The following RIMS1 variants were observed in gnomAD, a reference collection of about 807,000 sequenced individuals.
The protein encoded by RIMS1 is regulating synaptic membrane exocytosis protein 1.
RIMS1 carries 83 observed loss-of-function variants against 214.1 expected under a neutral mutation model. The observed-to-expected ratio is 0.39, with a 90% CI of 0.32 to 0.47. RIMS1 has a LOEUF of 0.47. Among genes scored for constraint, RIMS1 ranks in the 20% least tolerant of loss-of-function variants. The pLI is 0.99. For missense variants in RIMS1, 2,050 were observed against 2,161.8 expected (o/e 0.95, Z 1.03); for synonymous variants, 793 against 786.8 (o/e 1.01, Z -0.13).
intron 4 of RIMS1, among the ~76,000 whole-genome samples, chr6:72,167,501 A>G (rs1292424790): frequency 6.6e-6 from 1 of 152,140 alleles, no homozygotes; most frequent in Non-Finnish European, 1.5e-5. Flanking sequence ...GTAAACTTCA[A>G]GTAAGATTGA....
At chr6:71,935,682 G>A (rs1422398924) in intron 1 of RIMS1, among the ~76,000 whole-genome samples, 1 of 152,088 alleles carries the variant, frequency 6.6e-6, no homozygotes, top group Non-Finnish European at 1.5e-5. Context: ...ATCCTGATAT[G>A]CTCTTAAAAA....
chr6:72,346,780 CAAT>C (rs1172049720), intron 29 of RIMS1, among the ~76,000 whole-genome samples: 2 of 151,724 alleles, frequency 1.3e-5, no homozygotes, highest in African/African-American at 4.8e-5. Flanking sequence ...ATTTTTATGT[CAAT>C]AAACATAGTT....
chr6:72,393,426 A>T (rs543851332), intron 31 of RIMS1, among the ~76,000 whole-genome samples: 56 of 152,314 alleles, frequency 3.7e-4, no homozygotes, highest in African/African-American at 1.3e-3. Flanking sequence ...CAAAAAAACT[A>T]TCAAAAATCA....
chr6:71,944,915 T>A (rs1787323390), intron 1 of RIMS1, among the ~76,000 whole-genome samples: 1 of 152,168 alleles, frequency 6.6e-6, no homozygotes, highest in African/African-American at 2.4e-5. Context: ...TTAAAGGTAG[T>A]AACAGGGGTC....
chr6:71,980,094 A>G (rs1360098279), intron 2 of RIMS1, among the ~76,000 whole-genome samples: 2 of 152,076 alleles, frequency 1.3e-5, no homozygotes, highest in Non-Finnish European at 2.9e-5. Context: ...CTACAGAGTC[A>G]TTTGTCCAGG....
chr6:71,921,047 G>A (rs929775417), intron 1 of RIMS1, among the ~76,000 whole-genome samples: 7 of 152,174 alleles, frequency 4.6e-5, no homozygotes, highest in African/African-American at 1.4e-4. Context: ...GTGCAGCGGA[G>A]GCAGACATGC....
At position 72,015,794 on chromosome 6, in the gene RIMS1, C is replaced by T. The variant is rs148865957; in HGVS notation, c.245+46731C>T. The stretch of plus-strand genomic sequence containing the variant: ...ACAAAAAATTAGCCGGGCATGATGG[C>T]GGGTGCCTGTAGTCCCAGCTACTTG... On this transcript the variant is annotated intron_variant, in intron 2 of 33. Coordinates refer to ENST00000521978, the MANE Select transcript of RIMS1 (RefSeq NM_014989.7). 1.5e-3 allele frequency among the ~76,000 whole-genome samples: 223 copies of T among 152,100 alleles called. 1 individual carries two copies. In the East Asian group the frequency reaches 0.017, roughly 11 times the overall value.
chr6:72,390,445 C>T (rs1314731495), intron 29 of RIMS1, among the ~76,000 whole-genome samples, 153 bp from the exon 30 acceptor site: 1 of 152,096 alleles, frequency 6.6e-6, no homozygotes, highest in Non-Finnish European at 1.5e-5. Flanking sequence ...GGCAAGGAGC[C>T]TGAATCAAGC....
chr6:72,147,619 AT>A (rs1203236535), intron 4 of RIMS1, among the ~76,000 whole-genome samples: 7 of 152,186 alleles, frequency 4.6e-5, no homozygotes, highest in Non-Finnish European at 8.8e-5. Context: ...AAATAATTCC[AT>A]TGACTGAGAA....
intron 2 of RIMS1, among the ~76,000 whole-genome samples, chr6:72,032,564 C>T (rs1463079508): frequency 6.6e-6 from 1 of 152,056 alleles, no homozygotes; most frequent in Non-Finnish European, 1.5e-5. Context: ...CTGTATAAAT[C>T]CTCTGTAAAT....
At chr6:72,234,586 G>A (rs973690752) in intron 7 of RIMS1, among the ~76,000 whole-genome samples, 1 of 152,068 alleles carries the variant, frequency 6.6e-6, no homozygotes, top group East Asian at 1.9e-4. Flanking sequence ...AAAGTCCATA[G>A]TGTACATTAG....
intron 2 of RIMS1, among the ~76,000 whole-genome samples, chr6:71,973,263 A>G (rs921775056): frequency 7.9e-5 from 12 of 152,182 alleles, no homozygotes; most frequent in African/African-American, 2.7e-4. Flanking sequence ...TTTAGGTACC[A>G]TCTTCCAGAA....
In RIMS1 at chr6:72,097,081, TG is replaced by T. The variant is rs758043585; in HGVS notation, c.381del (p.Cys128AlafsTer45). On this transcript the variant is annotated frameshift_variant, in exon 3 of 34. Coordinates refer to ENST00000521978, the MANE Select transcript of RIMS1 (RefSeq NM_014989.7). LOFTEE classifies it high-confidence loss of function. ...TCTGTCATAAAACAAAGTTTGCTGA[TG>T]GGTGCGGTCATCTCTGCTCCTATTG... ...GICHKTKFAD[G>X]CGHLCSYCRT... 6.2e-7 allele frequency: 1 copy of T among 1,613,994 alleles called. No individual in the cohort carries two copies. Among genetic ancestry groups the T allele is most frequent in the Non-Finnish European group, 8.5e-7 (1 of 1,179,880 alleles).
intron 2 of RIMS1, among the ~76,000 whole-genome samples, chr6:71,978,201 A>G (rs1797638735): frequency 6.6e-6 from 1 of 152,162 alleles, no homozygotes; most frequent in Non-Finnish European, 1.5e-5. Flanking sequence ...CGGAATGCAT[A>G]TGTACATATT....
rs757931095 is a variant in RIMS1 at position 72,183,052 on chromosome 6, G to A, written c.1581G>A (p.Gln527=). 1.4e-5 allele frequency: 22 copies of A among 1,597,568 alleles called. No homozygotes were observed. In the Admixed American group the frequency reaches 3.7e-4, roughly 27 times the overall value. The change falls in exon 6 of 34, where the codon CAG becomes CAA. Residue 527 remains glutamine, a synonymous_variant. Coordinates refer to ENST00000521978, the MANE Select transcript of RIMS1 (RefSeq NM_014989.7). The stretch of plus-strand genomic sequence containing the variant: ...CCAAGAGAGGCGGCAAGAAGCGGCA[G>A]ATGTCGGTGAGCAGCTCTGAGGAGG... ...HRSKRGGKKR[Q]MSVSSSEEEG...
chr6:72,241,669 T>C (rs777181626), intron 9 of RIMS1, among the ~76,000 whole-genome samples: 3 of 152,210 alleles, frequency 2.0e-5, no homozygotes, highest in Non-Finnish European at 4.4e-5. Context: ...ATATGTGTTT[T>C]GAACATCTGG....
chr6:71,980,689 C>T (rs1584056803), intron 2 of RIMS1, among the ~76,000 whole-genome samples: 1 of 151,732 alleles, frequency 6.6e-6, no homozygotes, highest in African/African-American at 2.4e-5. Context: ...GTACGGCATT[C>T]CTGGAGAAAA....
chr6:72,057,401 C>T (rs902456221), intron 2 of RIMS1, among the ~76,000 whole-genome samples: 2 of 151,348 alleles, frequency 1.3e-5, no homozygotes, highest in Admixed American at 6.6e-5. Flanking sequence ...AATTCAGGCT[C>T]GGATTCTTTG....
At chr6:72,340,908 T>C (rs1282190964) in intron 29 of RIMS1, among the ~76,000 whole-genome samples, 1 of 152,036 alleles carries the variant, frequency 6.6e-6, no homozygotes, top group Non-Finnish European at 1.5e-5. Context: ...ATTCTTCCTA[T>C]CCATGAGCAT....
Sources: gnomAD v4.1 joint callset for allele counts (sites outside exome capture counted in the v4.1 genomes callset) on GRCh38, gnomAD v4.1.1 for gene constraint, MANE v1.5 for transcripts, NCBI Gene and HGNC (gene_info 2026-07-23, HGNC 2026-07-21) for gene names.